The following PPA2 variants were observed in gnomAD, a reference collection of about 807,000 sequenced individuals.
PPA2 encodes the protein inorganic pyrophosphatase 2.
Under a neutral mutation model 49.5 loss-of-function variants are expected in PPA2, and 48 were observed. That is an observed-to-expected ratio of 0.97 (90% CI 0.77 to 1.23). The LOEUF (loss-of-function observed/expected upper bound fraction) is 1.23, where lower values mean the gene tolerates loss of function less well. PPA2 is among the 50% of genes most tolerant of loss of function. The pLI, the probability that PPA2 is intolerant of heterozygous loss-of-function variation, is 0.00. For synonymous variants in PPA2, 131 were observed against 139.9 expected, an observed-to-expected ratio of 0.94 and a Z score of 0.45; for missense variants, 429 against 410.1, an observed-to-expected ratio of 1.05 and a Z score of -0.40.
intron 3 of PPA2, among the ~76,000 whole-genome samples, chr4:105,450,375 CTTT>C (rs890656208): frequency 7.0e-6 from 1 of 142,336 alleles, no homozygotes; most frequent in Non-Finnish European, 1.5e-5. Flanking sequence ...TTACACTTTC[CTTT>C]TTTTTTTTTT....
At chr4:105,398,974 A>G (rs1271304196) in intron 8 of PPA2, 63 bp downstream of exon 8, 9 of 1,541,648 alleles carry the variant, frequency 5.8e-6, no homozygotes, top group Non-Finnish European at 7.8e-6. Context: ...AAACTTCCCA[A>G]GTGAAACGAA....
At chr4:105,400,010 T>C (rs992657782) in intron 7 of PPA2, among the ~76,000 whole-genome samples, 3 of 152,142 alleles carry the variant, frequency 2.0e-5, no homozygotes, top group Non-Finnish European at 2.9e-5. Context: ...ATTAGTCACT[T>C]AGTAGCCTTC....
intron 7 of PPA2, among the ~76,000 whole-genome samples, chr4:105,413,649 T>C (rs919188242): frequency 6.6e-6 from 1 of 152,184 alleles, no homozygotes; most frequent in Non-Finnish European, 1.5e-5. Flanking sequence ...TATAATGAAA[T>C]GTGTAAGAAA....
At chr4:105,467,605 T>C (rs969724103) in intron 1 of PPA2, among the ~76,000 whole-genome samples, 4 of 152,146 alleles carry the variant, frequency 2.6e-5, no homozygotes, top group Non-Finnish European at 2.9e-5. Flanking sequence ...AAGTAGACTA[T>C]ACAGGGCTAA....
At chr4:105,467,355 C>T (rs1057274683) in intron 1 of PPA2, among the ~76,000 whole-genome samples, 5 of 152,210 alleles carry the variant, frequency 3.3e-5, no homozygotes, top group African/African-American at 1.2e-4. Context: ...AAAGAACATA[C>T]ATGGCATGTC....
chr4:105,472,722 CACG>C (rs772380846), intron 1 of PPA2, among the ~76,000 whole-genome samples: 1 of 152,212 alleles, frequency 6.6e-6, no homozygotes, highest in African/African-American at 2.4e-5. Context: ...ATTATAATCA[CACG>C]ACTTTAGGCA....
chr4:105,453,716 T>C, intron 2 of PPA2, 74 bp from the exon 3 acceptor site: 1 of 1,179,180 alleles, frequency 8.5e-7, no homozygotes, highest in South Asian at 1.4e-5. Flanking sequence ...GCAATAAAAA[T>C]ATGACTATTG....
At chr4:105,428,224 G>C (rs111450919) in intron 6 of PPA2, among the ~76,000 whole-genome samples, 1 of 152,024 alleles carries the variant, frequency 6.6e-6, no homozygotes, top group Admixed American at 6.6e-5. Flanking sequence ...AGGAACAACC[G>C]GTACCAACCA....
At chr4:105,453,698 A>G in intron 2 of PPA2, 56 bp from the exon 3 acceptor site, 1 of 1,308,614 alleles carries the variant, frequency 7.6e-7, no homozygotes. Context: ...ATACAGTGGC[A>G]CTGCATAGCA....
chr4:105,413,470 A>G (rs1722856440), intron 7 of PPA2, among the ~76,000 whole-genome samples: 1 of 152,198 alleles, frequency 6.6e-6, no homozygotes, highest in South Asian at 2.1e-4. Flanking sequence ...AAGTATAAAA[A>G]GAAAAAAAAG....
At chr4:105,381,478 G>T (rs561582617) in intron 10 of PPA2, among the ~76,000 whole-genome samples, 2 of 151,882 alleles carry the variant, frequency 1.3e-5, no homozygotes, top group East Asian at 3.9e-4. Flanking sequence ...ACCTCATTGG[G>T]ATTCTGATGA....
At chr4:105,422,416 T>C (rs1313645307) in intron 7 of PPA2, among the ~76,000 whole-genome samples, 2 of 152,212 alleles carry the variant, frequency 1.3e-5, no homozygotes, top group Non-Finnish European at 2.9e-5. Context: ...GTGTCCAAAG[T>C]GCAAAGTCAT....
At chr4:105,448,396 T>C (rs1022329176) in intron 4 of PPA2, among the ~76,000 whole-genome samples, 1 of 152,070 alleles carries the variant, frequency 6.6e-6, no homozygotes, top group African/African-American at 2.4e-5. Flanking sequence ...AAAATAATAT[T>C]TGCTATCACA....
intron 1 of PPA2, among the ~76,000 whole-genome samples, chr4:105,465,822 C>G (rs898761269): frequency 4.6e-5 from 7 of 151,992 alleles, no homozygotes; most frequent in African/African-American, 7.3e-5. Flanking sequence ...AAACTTGGGT[C>G]CTTCAATTCT....
intron 5 of PPA2, among the ~76,000 whole-genome samples, chr4:105,442,737 T>C (rs1369694551): frequency 6.6e-5 from 10 of 152,176 alleles, no homozygotes; most frequent in Admixed American, 5.2e-4. Context: ...TGAATAATGA[T>C]GGTATACTGA....
chr4:105,415,419 G>A lies in PPA2; in HGVS notation c.655+8777C>T, dbSNP rs145679530. 1.4e-3 allele frequency among the ~76,000 whole-genome samples: 217 copies of A among 152,354 alleles called. 2 individuals are homozygous for A. Among genetic ancestry groups the A allele is most frequent in the African/African-American group, 5.0e-3 (209 of 41,576 alleles). ...GAGGTGGCAGGGGGCTGGTGTGTCA[G>A]TGCCACTATGAGTGAGGGCACACCT... On this transcript the variant is annotated intron_variant, in intron 7 of 11. Coordinates refer to ENST00000341695, the MANE Select transcript of PPA2 (RefSeq NM_176869.3).
chr4:105,439,091 C>T (rs186076914), intron 5 of PPA2, among the ~76,000 whole-genome samples: 52 of 152,062 alleles, frequency 3.4e-4, no homozygotes, highest in African/African-American at 1.1e-3. Flanking sequence ...ATAAGAATAA[C>T]CACAATTGTT....
At chr4:105,458,558 C>T (rs529843321) in intron 1 of PPA2, among the ~76,000 whole-genome samples, 1 of 152,170 alleles carries the variant, frequency 6.6e-6, no homozygotes, top group African/African-American at 2.4e-5. Context: ...GGCACGATGG[C>T]TCACGCTAAT....
intron 1 of PPA2, among the ~76,000 whole-genome samples, chr4:105,468,867 A>C (rs1321105204): frequency 1.3e-5 from 2 of 152,178 alleles, no homozygotes; most frequent in African/African-American, 2.4e-5. Context: ...CCCTGTGTTA[A>C]GTTCTACATC....
Sources: gnomAD v4.1 joint callset for allele counts (sites outside exome capture counted in the v4.1 genomes callset) on GRCh38, gnomAD v4.1.1 for gene constraint, MANE v1.5 for transcripts, NCBI Gene and HGNC (gene_info 2026-07-23, HGNC 2026-07-21) for gene names.